The following FBN2 variants were observed in gnomAD, a reference collection of about 807,000 sequenced individuals.
FBN2 encodes the protein fibrillin 2.
FBN2 carries 105 observed loss-of-function variants against 355.6 expected under a neutral mutation model. That is an observed-to-expected ratio of 0.30 (90% CI 0.25 to 0.35). The LOEUF is 0.35. FBN2 is among the 10% of genes least tolerant of loss of function. The pLI is 1.00. For synonymous variants in FBN2, 1,350 were observed against 1,301.2 expected (o/e 1.04, Z -0.81); for missense variants, 3,280 against 3,758.7 (o/e 0.87, Z 3.33).
At chr5:128,435,195 C>A (rs1477680693) in intron 7 of FBN2, among the ~76,000 whole-genome samples, 1 of 152,034 alleles carries the variant, frequency 6.6e-6, no homozygotes, top group Non-Finnish European at 1.5e-5. Context: ...TTAGGTGGAA[C>A]TGGAGCAGGG....
chr5:128,361,725 T>C lies in FBN2; in HGVS notation c.2552A>G (p.Glu851Gly), dbSNP rs760778991. ...AAGGCGATGAAGACAGCTCTTACCT[T>C]CACAGGTCTCTGTCTCAGTCCTGAA... Reference protein sequence around the residue: ...YVFRTETETCEDINECESNPC... With the variant: ...YVFRTETETCGDINECESNPC... Residue 851 changes from glutamate to glycine, a missense_variant and splice_region_variant, in exon 19 of 65, where the codon GAA becomes GGA. Transcript: ENST00000262464. 1.2e-6 allele frequency: 2 copies of C among 1,614,164 alleles called. No individual in the cohort carries two copies. Among genetic ancestry groups the C allele is most frequent in the South Asian group, 2.2e-5 (2 of 91,086 alleles).
intron 4 of FBN2, among the ~76,000 whole-genome samples, chr5:128,520,248 C>T (rs1286353860): frequency 6.6e-6 from 1 of 152,142 alleles, no homozygotes; most frequent in Non-Finnish European, 1.5e-5. Context: ...CTCGGTTCAG[C>T]CTAAAAGATC....
chr5:128,287,959 TAGTG>T (rs2126818083), intron 53 of FBN2, among the ~76,000 whole-genome samples: 1 of 152,262 alleles, frequency 6.6e-6, no homozygotes, highest in East Asian at 1.9e-4. Context: ...TCAAGAATGC[TAGTG>T]AGTAAGGTTT....
At chr5:128,524,638 C>G (rs1756517405) in intron 4 of FBN2, among the ~76,000 whole-genome samples, 1 of 152,110 alleles carries the variant, frequency 6.6e-6, no homozygotes, top group African/African-American at 2.4e-5. Flanking sequence ...AAAAATGTTC[C>G]ATCTGCTTCT....
In FBN2 at chr5:128,311,417, C is replaced by T. The variant is rs1329599303; in HGVS notation, c.4957G>A (p.Glu1653Lys). Residue 1653 changes from glutamate to lysine, a missense_variant, in exon 39 of 65, where the codon GAA becomes AAA. Glu to Lys is a moderately conservative substitution (Grantham distance 56). Coordinates refer to ENST00000262464, the MANE Select transcript of FBN2 (RefSeq NM_001999.4). ...PITIILEDID[E>K]CQELPGLCQG... ...CAGAGACCTGGTAACTCCTGGCATT[C>T]GTCAATGTCTACAAAAAGGGAGACA... 2 of 1,614,002 alleles carry T rather than the reference C, an allele frequency of 1.2e-6. No individual in the cohort carries two copies. The highest frequency in any genetic ancestry group is 1.7e-6 in the Non-Finnish European group (2 of 1,179,958).
At chr5:128,457,835 G>C (rs1387907895) in intron 6 of FBN2, among the ~76,000 whole-genome samples, 2 of 146,028 alleles carry the variant, frequency 1.4e-5, no homozygotes, top group South Asian at 4.3e-4. Flanking sequence ...ACCAGTACCA[G>C]ACACTGCAAA....
intron 14 of FBN2, 90 bp downstream of exon 14, chr5:128,376,641 G>A: frequency 6.9e-7 from 1 of 1,447,088 alleles, no homozygotes; most frequent in Non-Finnish European, 9.7e-7. Flanking sequence ...AAAGCCACAT[G>A]GGGAAGCTGA....
At chr5:128,263,724 G>T in intron 62 of FBN2, 68 bp from the exon 63 acceptor site, 1 of 1,069,758 alleles carries the variant, frequency 9.3e-7, no homozygotes, top group Non-Finnish European at 1.4e-6. Context: ...AACAAGTCTG[G>T]AGTCTCAAGT....
At chr5:128,364,553 A>T in intron 18 of FBN2, 47 bp downstream of exon 18, 1 of 1,570,256 alleles carries the variant, frequency 6.4e-7, no homozygotes, top group South Asian at 1.1e-5. Context: ...AATCCATGGG[A>T]TTAAACTATA....
At chr5:128,469,704 A>G (rs1168891599) in intron 5 of FBN2, among the ~76,000 whole-genome samples, 2 of 152,210 alleles carry the variant, frequency 1.3e-5, no homozygotes, top group Non-Finnish European at 2.9e-5. Flanking sequence ...AGCTTGGAAT[A>G]AAAGTTCCTG....
At chr5:128,309,866 T>C in intron 40 of FBN2, 117 bp downstream of exon 40, 2 of 1,170,772 alleles carry the variant, frequency 1.7e-6, no homozygotes, top group Non-Finnish European at 1.3e-6. Context: ...GACTCTGAAA[T>C]ATCTCAATTC....
chr5:128,412,883 A>G (rs529664050), intron 7 of FBN2, among the ~76,000 whole-genome samples: 3 of 152,192 alleles, frequency 2.0e-5, no homozygotes. Context: ...TGAGAACTTG[A>G]AGTAAGGCTT....
chr5:128,341,639 C>T (rs546149081), intron 25 of FBN2, among the ~76,000 whole-genome samples: 10 of 152,324 alleles, frequency 6.6e-5, no homozygotes, highest in Admixed American at 5.9e-4. Context: ...TCTGATGGGC[C>T]ATCCCAGTTC....
intron 26 of FBN2, 127 bp downstream of exon 26, chr5:128,338,806 C>T (rs760030136): frequency 2.7e-6 from 3 of 1,096,098 alleles, no homozygotes; most frequent in Non-Finnish European, 4.1e-6. Flanking sequence ...TAAATCTCTT[C>T]TCTCTCTCAC....
intron 5 of FBN2, among the ~76,000 whole-genome samples, chr5:128,485,180 T>A (rs189562242): frequency 6.6e-6 from 1 of 152,012 alleles, no homozygotes; most frequent in Non-Finnish European, 1.5e-5. Flanking sequence ...CAAGACACCA[T>A]GCACAGCTAA....
intron 7 of FBN2, among the ~76,000 whole-genome samples, chr5:128,445,529 G>T (rs1754041226): frequency 6.6e-6 from 1 of 152,168 alleles, no homozygotes; most frequent in South Asian, 2.1e-4. Context: ...TTACAAAGAG[G>T]AATGCAGCTG....
At chr5:128,370,088 T>C (rs1751891116) in intron 15 of FBN2, among the ~76,000 whole-genome samples, 2 of 152,160 alleles carry the variant, frequency 1.3e-5, no homozygotes, top group South Asian at 4.1e-4. Context: ...TTTATGTGAC[T>C]TCTAAAACTC....
chr5:128,535,041 C>T (rs779775374), intron 2 of FBN2, among the ~76,000 whole-genome samples: 4 of 152,182 alleles, frequency 2.6e-5, no homozygotes, highest in Admixed American at 1.3e-4. Flanking sequence ...AGAGTAAACC[C>T]ACCCTCCATT....
Position 128,330,677 on chromosome 5 carries a change from T to C in FBN2, c.4241A>G (p.Asn1414Ser). ...IKCIDLDECS[N>S]GTHQCSINAQ... The stretch of plus-strand genomic sequence containing the variant: ...ATTGATGCTACACTGGTGGGTTCCA[T>C]TAGAACATTCGTCCAGATCTGCAGA... Residue 1414 changes from asparagine to serine, a missense_variant, in exon 33 of 65, where the codon AAT becomes AGT. Asn to Ser is a conservative substitution (Grantham distance 46). Coordinates refer to ENST00000262464, the MANE Select transcript of FBN2 (RefSeq NM_001999.4). 1 of 1,614,004 alleles carries C rather than the reference T, an allele frequency of 6.2e-7. No individual in the cohort carries two copies. Among genetic ancestry groups the C allele is most frequent in the Non-Finnish European group, 8.5e-7 (1 of 1,179,894 alleles).
Sources: gnomAD v4.1 joint callset for allele counts (sites outside exome capture counted in the v4.1 genomes callset) on GRCh38, gnomAD v4.1.1 for gene constraint, MANE v1.5 for transcripts, NCBI Gene and HGNC (gene_info 2026-07-23, HGNC 2026-07-21) for gene names.